WDR25: variants seen among roughly 807,000 people sequenced by gnomAD.
WDR25 encodes the protein WD repeat-containing protein 25.
In WDR25, 35 loss-of-function variants were observed where a neutral mutation model predicts 47.7. That is an observed-to-expected ratio of 0.73 (90% confidence interval 0.56 to 0.97). The LOEUF is 0.97. Ranked by LOEUF, WDR25 falls within the 50% of genes least tolerant of loss-of-function variation. WDR25 has a pLI of 0.00. For synonymous variants in WDR25, 248 were observed against 278.9 expected (o/e 0.89, Z 1.10); for missense variants, 634 against 704.7 (o/e 0.90, Z 1.14).
At position 100,381,345 on chromosome 14, in the gene WDR25, A is replaced by G. The variant is rs199637878; in HGVS notation, c.421A>G (p.Arg141Gly). ...CCGCTTTAAGCAAGTAAAACTCTCC[A>G]GGAACTTTCCCAAGTCATCTTTCCA... is the stretch of plus-strand genomic sequence containing the variant. ...AARFKQVKLSRNFPKSSFHAQ... is the reference protein window; with the variant it reads ...AARFKQVKLSGNFPKSSFHAQ... Residue 141 changes from arginine (R) to glycine (G), a missense_variant, in exon 2 of 7, where the codon AGG becomes GGG. By Grantham distance (125) the Arg-to-Gly change is moderately radical. Transcript: ENST00000402312. The G allele has an allele frequency of 2.4e-5, 38 of 1,614,230 alleles. No individual in the cohort carries two copies. In the East Asian group the frequency reaches 6.0e-4, roughly 26 times the overall value.
At position 100,382,093 on chromosome 14, in the gene WDR25, A is replaced by G. The variant is rs1288037757; in HGVS notation, c.822+347A>G. On this transcript the variant is annotated intron_variant, in intron 2 of 6. Transcript: ENST00000402312. Reference sequence around the variant, plus strand: ...GACATCCTCGGTGACCCTGTGGAGCATTGAGCCATGCCAGCTCTGTGCCTG... The same window carrying G: ...GACATCCTCGGTGACCCTGTGGAGCGTTGAGCCATGCCAGCTCTGTGCCTG... The G allele has an allele frequency of 4.3e-6, 3 of 702,818 alleles. No homozygotes were observed. In the African/African-American group the frequency reaches 5.2e-5, roughly 12 times the overall value. The allele number at this position is 702,818 out of a possible 1,614,324, so 43.5% of individuals were successfully genotyped here.
At chr14:100,385,967 A>G (rs1431934207) in intron 2 of WDR25, among the ~76,000 whole-genome samples, 2 of 152,194 alleles carry the variant, frequency 1.3e-5, no homozygotes, top group African/African-American at 4.8e-5. Flanking sequence ...TCCCAAAGGA[A>G]TAAGACCTTT....
At chr14:100,456,400 G>A (rs142805061) in intron 2 of WDR25, among the ~76,000 whole-genome samples, 1 of 152,290 alleles carries the variant, frequency 6.6e-6, no homozygotes, top group Non-Finnish European at 1.5e-5. Flanking sequence ...TATGAACCAT[G>A]ATGAGAAGAA....
chr14:100,521,203 C>CAGAG (rs1555397228), intron 4 of WDR25, among the ~76,000 whole-genome samples: 9 of 149,964 alleles, frequency 6.0e-5, no homozygotes, highest in African/African-American at 2.2e-4. Flanking sequence ...CACACACACA[C>CAGAG]AGAGAGAGAG....
At chr14:100,399,082 T>G (rs936094566) in intron 2 of WDR25, among the ~76,000 whole-genome samples, 2 of 146,170 alleles carry the variant, frequency 1.4e-5, no homozygotes, top group African/African-American at 5.6e-5. Flanking sequence ...CATTCCTTTT[T>G]TCTTTTTTTT....
intron 1 of WDR25, among the ~76,000 whole-genome samples, chr14:100,380,407 C>T (rs1014488727): frequency 1.3e-5 from 2 of 152,144 alleles, no homozygotes; most frequent in South Asian, 4.1e-4. Context: ...CCAGCTATTC[C>T]ATAGTTTCAA....
intron 4 of WDR25, among the ~76,000 whole-genome samples, chr14:100,509,544 T>C (rs1472341981): frequency 6.6e-6 from 1 of 152,200 alleles, no homozygotes; most frequent in Non-Finnish European, 1.5e-5. Flanking sequence ...TTTTCCTTCA[T>C]TTTTGTCGTG....
chr14:100,438,869 C>G (rs1411276266), intron 2 of WDR25, among the ~76,000 whole-genome samples: 1 of 152,248 alleles, frequency 6.6e-6, no homozygotes, highest in Non-Finnish European at 1.5e-5. Context: ...CAGGGTCACA[C>G]AGCTGGTAAG....
Position 100,428,150 on chromosome 14 carries a change from CG to C in WDR25, c.823-39870del, listed in dbSNP as rs1340077328. 2.6e-5 allele frequency among the ~76,000 whole-genome samples: 4 copies of C among 152,248 alleles called. No homozygotes were observed. The highest frequency in any genetic ancestry group is 9.6e-5 in the African/African-American group (4 of 41,468). ...AGGTCACTTTTCCCATCTGAGGAAACGTTTGTCGTGTGCTCCGACCGAAGCG... is the reference window on the plus strand; with the variant it reads ...AGGTCACTTTTCCCATCTGAGGAAACTTTGTCGTGTGCTCCGACCGAAGCG... On this transcript the variant is annotated intron_variant, in intron 2 of 6. Coordinates refer to ENST00000402312, the MANE Select transcript of WDR25 (RefSeq NM_001161476.3). The surrounding 1 kb of genome is among the most constrained non-coding windows in gnomAD (Gnocchi z 4.3).
intron 2 of WDR25, among the ~76,000 whole-genome samples, chr14:100,414,961 C>T (rs139865942): frequency 6.7e-6 from 1 of 149,984 alleles, no homozygotes; most frequent in East Asian, 2.0e-4. Context: ...GAATAGGTCA[C>T]GAGGGGCTGG....
chr14:100,411,249 C>A (rs991637527), intron 2 of WDR25, among the ~76,000 whole-genome samples: 2 of 152,148 alleles, frequency 1.3e-5, no homozygotes, highest in Non-Finnish European at 2.9e-5. Flanking sequence ...TGATGCTGGG[C>A]AAGCAACCCC....
At chr14:100,467,947 A>G in intron 2 of WDR25, 74 bp from the exon 3 acceptor site, 2 of 1,582,692 alleles carry the variant, frequency 1.3e-6, no homozygotes, top group Non-Finnish European at 1.7e-6. Context: ...TTTTCTTTCT[A>G]CAGTGGGGTC....
At chr14:100,478,295 ATTTG>A (rs1266705396) in intron 3 of WDR25, among the ~76,000 whole-genome samples, 1 of 152,198 alleles carries the variant, frequency 6.6e-6, no homozygotes, top group Non-Finnish European at 1.5e-5. Flanking sequence ...ACGACCTTAC[ATTTG>A]TAAGAGTGTG....
intron 3 of WDR25, among the ~76,000 whole-genome samples, chr14:100,474,635 C>T (rs1478218861): frequency 1.3e-5 from 2 of 152,198 alleles, no homozygotes; most frequent in Non-Finnish European, 2.9e-5. Flanking sequence ...CACTGGGATA[C>T]ACCTTGTTTG....
intron 4 of WDR25, among the ~76,000 whole-genome samples, chr14:100,490,065 G>A (rs1443407148): frequency 6.6e-6 from 1 of 151,958 alleles, no homozygotes; most frequent in African/African-American, 2.4e-5. Context: ...CTCTAGCTTT[G>A]TCCCACACCC....
In WDR25 at chr14:100,449,039, G is replaced by A. The variant is rs1187833160; in HGVS notation, c.823-18982G>A. Among the ~76,000 whole-genome samples, 1 of 152,104 alleles carries A rather than the reference G, an allele frequency of 6.6e-6. No individual in the cohort carries two copies. Among genetic ancestry groups the A allele is most frequent in the Admixed American group, 6.5e-5 (1 of 15,280 alleles). On this transcript the variant is annotated intron_variant, in intron 2 of 6. Coordinates refer to ENST00000402312, the MANE Select transcript of WDR25 (RefSeq NM_001161476.3). The surrounding 1 kb of genome is among the most constrained non-coding windows in gnomAD (Gnocchi z 4.2). Reference sequence around the variant, plus strand: ...CAAGGACGATCGTGATGGGAGATGAGGCTGGGCAGGTGAGTGGGGCCTCCG... The same window carrying A: ...CAAGGACGATCGTGATGGGAGATGAAGCTGGGCAGGTGAGTGGGGCCTCCG...
At chr14:100,527,393 A>G (rs1178421192) in intron 5 of WDR25, among the ~76,000 whole-genome samples, 1 of 152,206 alleles carries the variant, frequency 6.6e-6, no homozygotes, top group East Asian at 1.9e-4. Context: ...TGAGATTTCA[A>G]CTAACCCAAG....
At chr14:100,450,187 C>T (rs2140263788) in intron 2 of WDR25, among the ~76,000 whole-genome samples, 1 of 152,262 alleles carries the variant, frequency 6.6e-6, no homozygotes, top group African/African-American at 2.4e-5. Context: ...TCTGCTGAGC[C>T]CTGGGTGACC....
At position 100,382,189 on chromosome 14, in the gene WDR25, G is replaced by T. The variant is rs749561952; in HGVS notation, c.822+443G>T. 4.3e-6 allele frequency: 3 copies of T among 702,862 alleles called. No homozygotes were observed. In the African/African-American group the frequency reaches 5.2e-5, roughly 12 times the overall value. 43.5% of individuals were successfully genotyped at this position (702,862 alleles called of 1,614,324 possible). The stretch of plus-strand genomic sequence containing the variant: ...AGCCCCTGGTGTCAGGGCTTGCACA[G>T]TGAGGCGGGAGCCGTGGACAAGTAC... On this transcript the variant is annotated intron_variant, in intron 2 of 6. Coordinates refer to ENST00000402312, the MANE Select transcript of WDR25 (RefSeq NM_001161476.3).
Sources: allele counts gnomAD v4.1 joint callset (sites outside exome capture counted in the v4.1 genomes callset), GRCh38; gene constraint gnomAD v4.1.1; non-coding constraint Gnocchi (gnomAD v3.1); transcripts MANE v1.5; gene names NCBI Gene and HGNC (gene_info 2026-07-23, HGNC 2026-07-21).